Variants in FGGY observed in about 807,000 individuals in gnomAD.
The protein encoded by FGGY is FGGY carbohydrate kinase domain-containing protein.
A neutral mutation model predicts 71.3 loss-of-function variants in FGGY; 72 were observed. That is an observed-to-expected ratio of 1.01 (90% CI 0.84 to 1.23). FGGY has a LOEUF of 1.23. Among genes scored for constraint, FGGY ranks in the 50% most tolerant of loss-of-function variants. The pLI, the probability that FGGY is intolerant of heterozygous loss-of-function variation, is 0.00. For missense variants in FGGY, 668 were observed against 682.3 expected, an observed-to-expected ratio of 0.98 and a Z score of 0.23; for synonymous variants, 251 against 250.3, an observed-to-expected ratio of 1.00 and a Z score of -0.02.
intron 14 of FGGY, among the ~76,000 whole-genome samples, chr1:59,700,932 C>T (rs1187815878): frequency 1.3e-5 from 2 of 152,074 alleles, no homozygotes; most frequent in African/African-American, 4.8e-5. Context: ...ATGAATTGAA[C>T]ATGTGTGAAG....
chr1:59,383,421 A>G (rs897899930), intron 5 of FGGY, among the ~76,000 whole-genome samples: 3 of 152,212 alleles, frequency 2.0e-5, no homozygotes, highest in African/African-American at 7.2e-5. Flanking sequence ...AGTTGTAAAC[A>G]AAAAATAAAA....
intron 5 of FGGY, among the ~76,000 whole-genome samples, chr1:59,443,375 A>G (rs2070424927): frequency 6.6e-6 from 1 of 152,210 alleles, no homozygotes; most frequent in Non-Finnish European, 1.5e-5. Flanking sequence ...CAGGAATTGT[A>G]CATTATCTCT....
At chr1:59,652,804 GT>G (rs1417412374) in intron 11 of FGGY, among the ~76,000 whole-genome samples, 3 of 152,132 alleles carry the variant, frequency 2.0e-5, no homozygotes, top group African/African-American at 7.2e-5. Flanking sequence ...GAGGAACTGC[GT>G]TCCTTTGGAG....
chr1:59,535,975 C>G (rs1207152066), intron 7 of FGGY, among the ~76,000 whole-genome samples: 1 of 148,600 alleles, frequency 6.7e-6, no homozygotes, highest in Non-Finnish European at 1.5e-5. Flanking sequence ...CAAGAAATAA[C>G]TAAAATCACA....
rs2096983309 is a variant in FGGY, at chr1:59,638,356, A to G, written c.1202A>G (p.Asp401Gly). The change falls in exon 11 of 16, where the codon GAT (aspartate) becomes GGT (glycine). Residue 401 changes from aspartate to glycine, a missense_variant. This residue lies in a region of FGGY where 661 missense variants were observed against 661.6 expected (regional missense o/e 1.00). Coordinates refer to ENST00000303721, the MANE Select transcript of FGGY (RefSeq NM_018291.5). ...DFHGNRSPLA[D>G]LTLKGMVTGL... ...CATGGCAACCGGTCTCCCTTAGCAG[A>G]TCTGACACTAAAGGGCATGGTAAGT... 2 of 1,614,242 alleles carry G rather than the reference A, an allele frequency of 1.2e-6. No individual in the cohort carries two copies. Among genetic ancestry groups the G allele is most frequent in the Non-Finnish European group, 1.7e-6 (2 of 1,180,040 alleles).
In FGGY at chr1:59,375,533, T is replaced by C. The variant is rs1206249028; in HGVS notation, c.466-3216T>C. On this transcript the variant is annotated intron_variant, in intron 4 of 15. Coordinates refer to ENST00000303721, the MANE Select transcript of FGGY (RefSeq NM_018291.5). ...TTTCTAGTTGCTCATCCCACAAATATTTGTTGAATTACTAGACAAACTGCT... is the reference window on the plus strand; with the variant it reads ...TTTCTAGTTGCTCATCCCACAAATACTTGTTGAATTACTAGACAAACTGCT... Among the ~76,000 whole-genome samples, 5 of 152,284 alleles carry C rather than the reference T, an allele frequency of 3.3e-5. No individual in the cohort carries two copies. The South Asian group carries it at 8.3e-4, about 25-fold the overall frequency.
chr1:59,665,919 C>T (rs771295611), intron 12 of FGGY, among the ~76,000 whole-genome samples: 18 of 152,282 alleles, frequency 1.2e-4, no homozygotes, highest in South Asian at 4.1e-4. Context: ...ATGATCCGCC[C>T]GCCTTGGCCT....
intron 14 of FGGY, chr1:59,755,708 C>T (rs1172951043): frequency 1.3e-5 from 2 of 152,170 alleles, no homozygotes; most frequent in African/African-American, 2.4e-5. Flanking sequence ...TGATGTCTGC[C>T]GTTTATGTGC....
intron 13 of FGGY, among the ~76,000 whole-genome samples, chr1:59,669,540 C>T (rs1449938040): frequency 2.0e-5 from 2 of 102,498 alleles, no homozygotes; most frequent in African/African-American, 3.8e-5. Flanking sequence ...TTCTAGACTT[C>T]TTTTTTTTTT....
chr1:59,369,263 C>T (rs1488430751), intron 4 of FGGY, among the ~76,000 whole-genome samples: 1 of 152,220 alleles, frequency 6.6e-6, no homozygotes, highest in East Asian at 1.9e-4. Flanking sequence ...AGATTATATC[C>T]TGCACATGGC....
chr1:59,733,428 A>G (rs548803808), intron 14 of FGGY: 1 of 151,560 alleles, frequency 6.6e-6, no homozygotes, highest in East Asian at 2.0e-4. Flanking sequence ...GGATATTCAG[A>G]ACTTATGCTG....
chr1:59,563,195 C>A (rs530912442), intron 8 of FGGY, among the ~76,000 whole-genome samples: 5 of 152,270 alleles, frequency 3.3e-5, no homozygotes, highest in African/African-American at 1.2e-4. Context: ...GGGAATGCTT[C>A]CAGCTTTTGC....
At chr1:59,560,886 C>T (rs2095782211) in intron 8 of FGGY, among the ~76,000 whole-genome samples, 3 of 152,148 alleles carry the variant, frequency 2.0e-5, no homozygotes, top group Admixed American at 2.0e-4. Context: ...GGCTTCCCCG[C>T]CCCCACTGAG....
chr1:59,584,793 C>T (rs1198559208), intron 8 of FGGY, among the ~76,000 whole-genome samples: 1 of 150,088 alleles, frequency 6.7e-6, no homozygotes, highest in African/African-American at 2.5e-5. Flanking sequence ...CCCAAAATCT[C>T]CTTAAGCTGA....
intron 14 of FGGY, among the ~76,000 whole-genome samples, chr1:59,677,668 T>A (rs2097450288): frequency 6.6e-6 from 1 of 152,196 alleles, no homozygotes; most frequent in Non-Finnish European, 1.5e-5. Flanking sequence ...TTGTAGACTC[T>A]GTGTATCTCA....
At chr1:59,737,077 A>G (rs1055288810) in intron 14 of FGGY, among the ~76,000 whole-genome samples, 1 of 152,276 alleles carries the variant, frequency 6.6e-6, no homozygotes, top group East Asian at 1.9e-4. Flanking sequence ...CGCAAGCCTC[A>G]AGCCTTGGCA....
chr1:59,394,432 T>C (rs1301978633), intron 5 of FGGY, among the ~76,000 whole-genome samples: 1 of 152,124 alleles, frequency 6.6e-6, no homozygotes, highest in Non-Finnish European at 1.5e-5. Flanking sequence ...TGGTGTAAAA[T>C]GCCCACCCTG....
At chr1:59,464,195 C>G (rs766644193) in intron 6 of FGGY, among the ~76,000 whole-genome samples, 1 of 152,208 alleles carries the variant, frequency 6.6e-6, no homozygotes, top group Non-Finnish European at 1.5e-5. Context: ...CAAATTGGAA[C>G]TCAGGATTAA....
At chr1:59,592,934 G>A (rs1026381035) in intron 8 of FGGY, among the ~76,000 whole-genome samples, 2 of 151,924 alleles carry the variant, frequency 1.3e-5, no homozygotes, top group African/African-American at 4.8e-5. Flanking sequence ...TTCAACTATA[G>A]TAATAATAAA....
Sources: allele counts gnomAD v4.1 joint callset (sites outside exome capture counted in the v4.1 genomes callset), GRCh38; gene constraint gnomAD v4.1.1; regional missense constraint gnomAD v4.1.1; transcripts MANE v1.5; gene names NCBI Gene and HGNC (gene_info 2026-07-23, HGNC 2026-07-21).